SLC14A2: variants seen among roughly 807,000 people sequenced by gnomAD.
SLC14A2 encodes urea transporter 2.
A neutral mutation model predicts 104.6 loss-of-function variants in SLC14A2; 91 were observed. The ratio of observed to expected loss-of-function variants is 0.87; its 90% CI spans 0.73 to 1.04. The LOEUF is 1.04. Ranked by LOEUF, SLC14A2 falls within the 50% of genes least tolerant of loss-of-function variation. The pLI, the probability that SLC14A2 is intolerant of heterozygous loss-of-function variation, is 0.00. For synonymous variants in SLC14A2, 476 were observed against 466.4 expected (o/e 1.02, Z -0.27); for missense variants, 1,189 against 1,156.0 (o/e 1.03, Z -0.41).
In SLC14A2 at chr18:45,605,532, G is replaced by A. The variant is rs553513095; in HGVS notation, c.-34-19099G>A. ...ATGATTAGATCATTATTCTGATTGC[G>A]GTAAGAAGAATGGACTGTGGAGGAT... is the stretch of plus-strand genomic sequence containing the variant. On this transcript the variant is annotated intron_variant, in intron 2 of 20. Transcript: ENST00000586448. Among the ~76,000 whole-genome samples, 17 of 152,198 alleles carry A rather than the reference G, an allele frequency of 1.1e-4. No individual in the cohort carries two copies. In the South Asian group the frequency reaches 1.9e-3, roughly 17 times the overall value.
intron 2 of SLC14A2, among the ~76,000 whole-genome samples, chr18:45,590,358 C>T (rs558999139): frequency 6.6e-6 from 1 of 152,306 alleles, no homozygotes; most frequent in South Asian, 2.1e-4. Flanking sequence ...ATACTCCCCC[C>T]AGCTATGAAA....
chr18:45,525,187 C>A (rs1390665330), intron 2 of SLC14A2, among the ~76,000 whole-genome samples: 1 of 151,898 alleles, frequency 6.6e-6, no homozygotes, highest in Admixed American at 6.6e-5. Flanking sequence ...CTTGTCCATC[C>A]TATAAAAATT....
intron 1 of SLC14A2, among the ~76,000 whole-genome samples, chr18:45,438,896 C>T (rs982001613): frequency 6.6e-6 from 1 of 152,170 alleles, no homozygotes; most frequent in Non-Finnish European, 1.5e-5. Context: ...AACAATATCT[C>T]CTTTAATTTT....
intron 1 of SLC14A2, among the ~76,000 whole-genome samples, chr18:45,475,903 A>G (rs904148219): frequency 3.9e-5 from 6 of 151,942 alleles, no homozygotes; most frequent in African/African-American, 1.5e-4. Flanking sequence ...TTCTGAATAC[A>G]GCACAGTAAT....
intron 2 of SLC14A2, among the ~76,000 whole-genome samples, chr18:45,545,285 C>T (rs2043952797): frequency 6.6e-6 from 1 of 152,180 alleles, no homozygotes; most frequent in Admixed American, 6.5e-5. Context: ...AGCACATCCC[C>T]ATCGGGCCAC....
chr18:45,548,116 GAGA>G (rs2044001408), intron 2 of SLC14A2, among the ~76,000 whole-genome samples: 1 of 152,202 alleles, frequency 6.6e-6, no homozygotes, highest in African/African-American at 2.4e-5. Flanking sequence ...GTCAAAACAA[GAGA>G]ATGACCCATG....
At chr18:45,500,470 G>C (rs1407005600) in intron 2 of SLC14A2, among the ~76,000 whole-genome samples, 1 of 151,664 alleles carries the variant, frequency 6.6e-6, no homozygotes, top group Non-Finnish European at 1.5e-5. Flanking sequence ...CCAGCTACTC[G>C]GGAGGCTGAG....
At chr18:45,663,979 T>C in intron 11 of SLC14A2, 72 bp downstream of exon 11, 1 of 1,462,740 alleles carries the variant, frequency 6.8e-7, no homozygotes, top group South Asian at 1.3e-5. Context: ...ACAATGGCAA[T>C]ACCTACTTCA....
chr18:45,522,803 A>C (rs1294608876), intron 2 of SLC14A2, among the ~76,000 whole-genome samples: 1 of 152,120 alleles, frequency 6.6e-6, no homozygotes, highest in Non-Finnish European at 1.5e-5. Flanking sequence ...CCCAATTCTT[A>C]TTAACATGTG....
chr18:45,627,151 G>C lies in SLC14A2; in HGVS notation c.521+4G>C. ...CTCTCGCCTTGGGCCAAGACAGGTGGGTCCCTCTCTATAGGGATTTTAGCA... is the reference window on the plus strand; with the variant it reads ...CTCTCGCCTTGGGCCAAGACAGGTGCGTCCCTCTCTATAGGGATTTTAGCA... On this transcript the variant is annotated splice_donor_region_variant and intron_variant, in intron 4 of 19. Coordinates refer to ENST00000255226, the MANE Select transcript of SLC14A2 (RefSeq NM_007163.4). 6.2e-7 allele frequency: 1 copy of C among 1,613,298 alleles called. No individual in the cohort carries two copies. Among genetic ancestry groups the C allele is most frequent in the Non-Finnish European group, 8.5e-7 (1 of 1,179,312 alleles).
intron 1 of SLC14A2, among the ~76,000 whole-genome samples, chr18:45,270,572 T>G (rs2084641319): frequency 6.6e-6 from 1 of 152,162 alleles, no homozygotes; most frequent in South Asian, 2.1e-4. Context: ...GTGGCAAAAC[T>G]GGGACCAGAA....
chr18:45,298,749 T>C (rs928746507), intron 1 of SLC14A2, among the ~76,000 whole-genome samples: 2 of 152,148 alleles, frequency 1.3e-5, no homozygotes, highest in Admixed American at 1.3e-4. Flanking sequence ...CTCAGCCTTC[T>C]CTATGATTCT....
intron 1 of SLC14A2, among the ~76,000 whole-genome samples, chr18:45,443,858 A>C (rs2086721287): frequency 6.6e-6 from 1 of 152,156 alleles, no homozygotes; most frequent in Admixed American, 6.5e-5. Context: ...AAATAATAAT[A>C]GTCAGCTGGG....
chr18:45,434,642 G>A (rs2086567864), intron 1 of SLC14A2, among the ~76,000 whole-genome samples: 1 of 152,166 alleles, frequency 6.6e-6, no homozygotes, highest in Non-Finnish European at 1.5e-5. Context: ...CTAACTGGCA[G>A]CCTGAAGGCA....
At chr18:45,298,119 C>G (rs555480827) in intron 1 of SLC14A2, among the ~76,000 whole-genome samples, 1 of 151,742 alleles carries the variant, frequency 6.6e-6, no homozygotes, top group African/African-American at 2.4e-5. Flanking sequence ...ATATTTATTA[C>G]CTTTAACTGC....
intron 1 of SLC14A2, among the ~76,000 whole-genome samples, chr18:45,440,739 C>CT (rs371575493): frequency 6.6e-6 from 1 of 152,066 alleles, no homozygotes; most frequent in African/African-American, 2.4e-5. Flanking sequence ...AGTAATAGAA[C>CT]TTACATAAAA....
At chr18:45,604,257 T>C (rs905924553) in intron 2 of SLC14A2, among the ~76,000 whole-genome samples, 1 of 152,198 alleles carries the variant, frequency 6.6e-6, no homozygotes, top group Non-Finnish European at 1.5e-5. Context: ...AATGATGAAA[T>C]TGGTGTGAGA....
At chr18:45,429,198 A>G (rs2086477691) in intron 1 of SLC14A2, among the ~76,000 whole-genome samples, 1 of 152,222 alleles carries the variant, frequency 6.6e-6, no homozygotes, top group Admixed American at 6.5e-5. Context: ...ATTTTAAATT[A>G]CCTTATAAAA....
At position 45,291,281 on chromosome 18, in the gene SLC14A2, C is replaced by A. The variant is rs566230332; in HGVS notation, c.-125+78090C>A. The stretch of plus-strand genomic sequence containing the variant: ...CAAATTGGGAGACTACTTCTCAGAG[C>A]GAGTAAGAGTAAGAAAAAAAAAAGA... On this transcript the variant is annotated intron_variant, in intron 1 of 20. Transcript: ENST00000586448. Among the ~76,000 whole-genome samples the A allele has an allele frequency of 2.0e-5, 3 of 151,588 alleles. No homozygotes were observed. The South Asian group carries it at 6.3e-4, about 32-fold the overall frequency.
Sources: gnomAD v4.1 joint callset for allele counts (sites outside exome capture counted in the v4.1 genomes callset) on GRCh38, gnomAD v4.1.1 for gene constraint, MANE v1.5 for transcripts, NCBI Gene and HGNC (gene_info 2026-07-23, HGNC 2026-07-21) for gene names.